CNTN4: variants seen among roughly 807,000 people sequenced by gnomAD.
CNTN4 encodes contactin-4.
A neutral mutation model predicts 122.5 loss-of-function variants in CNTN4; 77 were observed. The observed-to-expected ratio is 0.63, with a 90% confidence interval of 0.52 to 0.76. The LOEUF (loss-of-function observed/expected upper bound fraction) is 0.76. Ranked by LOEUF, CNTN4 falls within the 30% of genes least tolerant of loss-of-function variation. The pLI is 0.00. For synonymous variants in CNTN4, 512 were observed against 447.0 expected, an observed-to-expected ratio of 1.15 and a Z score of -1.83; for missense variants, 1,256 against 1,259.1, an observed-to-expected ratio of 1.00 and a Z score of 0.04.
intron 4 of CNTN4, chr3:2,736,013 G>A (rs1485571246): frequency 7.1e-6 from 5 of 703,198 alleles, no homozygotes; most frequent in African/African-American, 1.7e-5. Context: ...GAAATAAGAG[G>A]GCTTATATTT....
chr3:2,536,189 G>A (rs62235761), intron 3 of CNTN4, among the ~76,000 whole-genome samples: 9 of 152,104 alleles, frequency 5.9e-5, no homozygotes, highest in Non-Finnish European at 8.8e-5. Flanking sequence ...CAAAGATGAC[G>A]TTTATATATC....
intron 6 of CNTN4, among the ~76,000 whole-genome samples, chr3:2,816,852 C>T (rs1386520937): frequency 1.4e-5 from 2 of 145,376 alleles, no homozygotes; most frequent in African/African-American, 2.5e-5. Context: ...AGAACTTACC[C>T]ATGTAACCAA....
intron 3 of CNTN4, among the ~76,000 whole-genome samples, chr3:2,355,978 A>T (rs2044855184): frequency 6.6e-6 from 1 of 151,932 alleles, no homozygotes; most frequent in Non-Finnish European, 1.5e-5. Context: ...TGCCTTCCAG[A>T]CCTCCCCTCA....
intron 3 of CNTN4, among the ~76,000 whole-genome samples, chr3:2,462,740 C>G (rs1559574779): frequency 6.6e-6 from 1 of 152,138 alleles, no homozygotes; most frequent in African/African-American, 2.4e-5. Flanking sequence ...CAAAAATCTT[C>G]AACTGTGTGA....
intron 13 of CNTN4, among the ~76,000 whole-genome samples, chr3:2,970,822 C>G (rs963371645): frequency 6.6e-6 from 1 of 152,006 alleles, no homozygotes; most frequent in African/African-American, 2.4e-5. Flanking sequence ...GATTCTCACT[C>G]TGTTGCCCAG....
chr3:2,631,912 C>G (rs113189714), intron 4 of CNTN4, among the ~76,000 whole-genome samples: 1 of 146,698 alleles, frequency 6.8e-6, no homozygotes, highest in South Asian at 2.2e-4. Flanking sequence ...ATTAGCTGGA[C>G]ATGGTGGCGT....
At chr3:2,367,090 G>A (rs2045409532) in intron 3 of CNTN4, among the ~76,000 whole-genome samples, 3 of 151,998 alleles carry the variant, frequency 2.0e-5, no homozygotes, top group Admixed American at 1.3e-4. Context: ...TCTCTGTGGT[G>A]TGTGTATGTG....
At chr3:2,590,629 A>G (rs2080426232) in intron 4 of CNTN4, among the ~76,000 whole-genome samples, 1 of 151,012 alleles carries the variant, frequency 6.6e-6, no homozygotes, top group Non-Finnish European at 1.5e-5. Flanking sequence ...ATCTCATACA[A>G]CTCCCTCTGA....
chr3:2,294,437 C>T (rs920309205), intron 2 of CNTN4, among the ~76,000 whole-genome samples: 6 of 151,992 alleles, frequency 3.9e-5, no homozygotes, highest in African/African-American at 1.4e-4. Flanking sequence ...TTGAGTCCAG[C>T]CTGGACAACA....
intron 4 of CNTN4, among the ~76,000 whole-genome samples, chr3:2,623,508 G>A (rs2082070075): frequency 6.6e-6 from 1 of 152,158 alleles, no homozygotes; most frequent in East Asian, 1.9e-4. Context: ...GGGCAGGGGA[G>A]GTCAGAGGAT....
chr3:2,251,563 T>G (rs1443093977), intron 2 of CNTN4, among the ~76,000 whole-genome samples: 1 of 151,910 alleles, frequency 6.6e-6, no homozygotes, highest in Non-Finnish European at 1.5e-5. Context: ...TGACTTTCCC[T>G]TCACTTTTTT....
rs541557751 is a variant in CNTN4 at position 2,741,032 on chromosome 3, G to C, written c.183-4490G>C. Among the ~76,000 whole-genome samples, 31 of 152,298 alleles carry C rather than the reference G, an allele frequency of 2.0e-4. 1 individual carries two copies. Among genetic ancestry groups the C allele is most frequent in the African/African-American group, 7.0e-4 (29 of 41,564 alleles). On this transcript the variant is annotated intron_variant, in intron 5 of 24. Coordinates refer to ENST00000418658, the MANE Select transcript of CNTN4 (RefSeq NM_175607.3). ...TTTCATCCAAGATTCAGCCTTTGCA[G>C]CTCTACTTTGAACTAGCCCATATAT...
At chr3:2,230,061 T>G (rs1028695330) in intron 2 of CNTN4, among the ~76,000 whole-genome samples, 1 of 152,192 alleles carries the variant, frequency 6.6e-6, no homozygotes, top group Admixed American at 6.5e-5. Flanking sequence ...TAAGCTTTAT[T>G]AGAGATCCCT....
intron 13 of CNTN4, among the ~76,000 whole-genome samples, chr3:2,959,736 G>T (rs80324089): frequency 0.057 from 8,666 of 151,930 alleles, 343 homozygotes; most frequent in Non-Finnish European, 0.078. Flanking sequence ...AAATCCCCTA[G>T]TTTATTCCAG....
intron 4 of CNTN4, among the ~76,000 whole-genome samples, chr3:2,671,130 A>G (rs1439908628): frequency 6.6e-6 from 1 of 152,100 alleles, no homozygotes; most frequent in Non-Finnish European, 1.5e-5. Context: ...CTGAATTTGA[A>G]TGTTGGCCTG....
intron 14 of CNTN4, among the ~76,000 whole-genome samples, chr3:2,998,556 T>A (rs1220007049): frequency 1.3e-5 from 2 of 151,584 alleles, no homozygotes; most frequent in East Asian, 1.9e-4. Context: ...GTGTTCAAAG[T>A]ACAGAAGGAA....
chr3:2,405,595 G>GTAGATAGATAGA (rs61138023), intron 3 of CNTN4, among the ~76,000 whole-genome samples: 1 of 149,996 alleles, frequency 6.7e-6, no homozygotes, highest in African/African-American at 2.5e-5. Context: ...TTATAGATAG[G>GTAGATAGATAGA]TAGATAGATA....
intron 4 of CNTN4, among the ~76,000 whole-genome samples, chr3:2,645,673 A>C (rs1269362473): frequency 6.6e-6 from 1 of 152,186 alleles, no homozygotes; most frequent in Non-Finnish European, 1.5e-5. Context: ...TCTTTACAAA[A>C]TCTACTGGGA....
At position 2,841,184 on chromosome 3, in the gene CNTN4, G is replaced by A. The variant is rs890129794; in HGVS notation, c.454+21603G>A. 1.3e-5 allele frequency among the ~76,000 whole-genome samples: 2 copies of A among 152,176 alleles called. No homozygotes were observed. Among genetic ancestry groups the A allele is most frequent in the Non-Finnish European group, 2.9e-5 (2 of 68,020 alleles). On this transcript the variant is annotated intron_variant, in intron 7 of 24. Coordinates refer to ENST00000418658, the MANE Select transcript of CNTN4 (RefSeq NM_175607.3). This position sits in a 1 kb window ranked among gnomAD's most constrained non-coding sequence, Gnocchi z 4.8. ...AATTTAAGTCAAAATATCTGTCTTTGTTTGCATTGCCCAAAGAAGTTGGAT... is the reference window on the plus strand; with the variant it reads ...AATTTAAGTCAAAATATCTGTCTTTATTTGCATTGCCCAAAGAAGTTGGAT...
Sources: allele counts gnomAD v4.1 joint callset (sites outside exome capture counted in the v4.1 genomes callset), GRCh38; gene constraint gnomAD v4.1.1; non-coding constraint Gnocchi (gnomAD v3.1); transcripts MANE v1.5; gene names NCBI Gene and HGNC (gene_info 2026-07-23, HGNC 2026-07-21).